UBA2: variants seen among roughly 807,000 people sequenced by gnomAD.
UBA2 encodes the protein ubiquitin like modifier activating enzyme 2.
A neutral mutation model predicts 77.2 loss-of-function variants in UBA2; 11 were observed. That is an observed-to-expected ratio of 0.14 (90% confidence interval 0.09 to 0.24). The LOEUF is 0.24. UBA2 is among the 10% of genes least tolerant of loss of function. The probability of loss-of-function intolerance (pLI) is 1.00; values close to 1 mark genes in which losing one functional copy is unlikely to be tolerated. For missense variants in UBA2, 487 were observed against 781.7 expected (o/e 0.62, Z 4.50); for synonymous variants, 278 against 276.7 (o/e 1.00, Z -0.05).
intron 10 of UBA2, 40 bp downstream of exon 10, chr19:34,452,187 A>G: frequency 2.0e-6 from 3 of 1,492,056 alleles, no homozygotes; most frequent in Non-Finnish European, 1.8e-6. Flanking sequence ...TACATGTCAA[A>G]AGTGTGTTTT....
At chr19:34,443,723 A>C in intron 6 of UBA2, 121 bp from the exon 7 acceptor site, 1 of 694,070 alleles carries the variant, frequency 1.4e-6, no homozygotes, top group Non-Finnish European at 2.5e-6. Context: ...TAAAGGTGTG[A>C]GCCACTGCGC....
At chr19:34,462,520 C>G (rs1230494919) in intron 14 of UBA2, among the ~76,000 whole-genome samples, 2 of 151,998 alleles carry the variant, frequency 1.3e-5, no homozygotes, top group Non-Finnish European at 2.9e-5. Context: ...AATGGTAAAG[C>G]AAGCAACAGA....
chr19:34,429,347 T>G (rs2075225509), intron 1 of UBA2: 1 of 690,666 alleles, frequency 1.4e-6, no homozygotes, highest in African/African-American at 1.9e-5. Context: ...ATTGGAGATG[T>G]TACTGGCCCT....
chr19:34,428,950 G>C, intron 1 of UBA2: 4 of 987,326 alleles, frequency 4.1e-6, no homozygotes, highest in Non-Finnish European at 4.8e-6. Flanking sequence ...TTAATTTTGA[G>C]GTCCCTGTCG....
chr19:34,449,770 G>A (rs2075472443), intron 8 of UBA2, among the ~76,000 whole-genome samples: 1 of 152,158 alleles, frequency 6.6e-6, no homozygotes, highest in Admixed American at 6.5e-5. Flanking sequence ...ACATTTTAAA[G>A]ATATCGCAGT....
At chr19:34,464,605 G>A (rs1335169726) in intron 15 of UBA2, among the ~76,000 whole-genome samples, 1 of 151,650 alleles carries the variant, frequency 6.6e-6, no homozygotes, top group Non-Finnish European at 1.5e-5. Context: ...AGCAAAAAAT[G>A]TTTTAAGAGT....
In UBA2 at chr19:34,458,827, A is replaced by G; in HGVS notation, c.1304A>G (p.Asp435Gly). 1 of 1,614,158 alleles carries G rather than the reference A, an allele frequency of 6.2e-7. No homozygotes were observed. Among genetic ancestry groups the G allele is most frequent in the Non-Finnish European group, 8.5e-7 (1 of 1,180,014 alleles). Reference sequence around the variant, plus strand: ...AAGCTTCTTGTGCCTTGTGCACTGGATCCTCCCAACCCCAATTGTTATGTA... The same window carrying G: ...AAGCTTCTTGTGCCTTGTGCACTGGGTCCTCCCAACCCCAATTGTTATGTA... ...RKKLLVPCAL[D>G]PPNPNCYVCA... The change falls in exon 13 of 17, where the codon GAT (aspartate) becomes GGT (glycine). Residue 435 changes from aspartate to glycine, a missense_variant. Coordinates refer to ENST00000246548, the MANE Select transcript of UBA2 (RefSeq NM_005499.3).
Position 34,434,952 on chromosome 19 carries a change from T to C in UBA2, c.443T>C (p.Val148Ala). 6.2e-7 allele frequency: 1 copy of C among 1,604,174 alleles called. No individual in the cohort carries two copies. The highest frequency in any genetic ancestry group is 8.5e-7 in the Non-Finnish European group (1 of 1,175,724). Residue 148 changes from valine (V) to alanine (A), a missense_variant, in exon 5 of 17, where the codon GTA (valine) becomes GCA (alanine). Coordinates refer to ENST00000246548, the MANE Select transcript of UBA2 (RefSeq NM_005499.3). ...ESGTAGYLGQ[V>A]TTIKKGVTEC... ...GGAACAGCTGGGTATCTTGGACAAG[T>C]AACTACTATCAAAAAGGTAAAGAAA...
chr19:34,437,059 C>G (rs1022864039), intron 5 of UBA2, among the ~76,000 whole-genome samples: 2 of 152,082 alleles, frequency 1.3e-5, no homozygotes, highest in African/African-American at 2.4e-5. Flanking sequence ...AGAGAAAACT[C>G]TAAATCTGCT....
intron 1 of UBA2, 166 bp downstream of exon 1, chr19:34,428,736 G>A (rs2075216371): frequency 1.7e-6 from 2 of 1,154,792 alleles, no homozygotes; most frequent in Non-Finnish European, 2.2e-6. Flanking sequence ...CCCGCGGGAG[G>A]AGACTGTTCT....
chr19:34,449,443 A>C (rs201141482), intron 8 of UBA2, among the ~76,000 whole-genome samples: 1 of 4,346 alleles, frequency 2.3e-4, no homozygotes, highest in Admixed American at 5.2e-3. Flanking sequence ...CTTATTCTCT[A>C]TAAAGATTAA....
intron 4 of UBA2, among the ~76,000 whole-genome samples, chr19:34,434,485 A>T (rs1214821869): frequency 6.6e-6 from 1 of 152,194 alleles, no homozygotes; most frequent in African/African-American, 2.4e-5. Flanking sequence ...TTCCAAGTTG[A>T]TATTCCACAT....
chr19:34,434,788 GTTTTGA>G, intron 4 of UBA2, 74 bp from the exon 5 acceptor site: 1 of 1,070,296 alleles, frequency 9.3e-7, no homozygotes, highest in East Asian at 2.6e-5. Flanking sequence ...CAGTAAGATA[GTTTTGA>G]GTCTGTGTCA....
intron 13 of UBA2, among the ~76,000 whole-genome samples, chr19:34,459,730 A>G (rs1216611462): frequency 1.3e-5 from 2 of 152,180 alleles, no homozygotes; most frequent in Non-Finnish European, 2.9e-5. Context: ...TCATAATGCT[A>G]CATATTTACA....
intron 8 of UBA2, 119 bp from the exon 9 acceptor site, chr19:34,450,146 T>G: frequency 1.5e-6 from 1 of 658,856 alleles, no homozygotes. Context: ...ATGCTGCTGG[T>G]ATATGACATG....
chr19:34,445,198 T>A, intron 8 of UBA2, 77 bp downstream of exon 8: 1 of 1,426,862 alleles, frequency 7.0e-7, no homozygotes, highest in East Asian at 2.3e-5. Context: ...CTGCTTGTTT[T>A]AAAATAGTCC....
At chr19:34,451,960 T>G in intron 9 of UBA2, 21 bp from the exon 10 acceptor site, 1 of 1,360,936 alleles carries the variant, frequency 7.3e-7, no homozygotes, top group Non-Finnish European at 1.0e-6. Flanking sequence ...AAATTTCTAA[T>G]ATATATATTT....
chr19:34,431,086 T>C (rs547554994), intron 2 of UBA2, among the ~76,000 whole-genome samples: 2 of 152,222 alleles, frequency 1.3e-5, no homozygotes, highest in East Asian at 3.9e-4. Context: ...TCCCTTTGCC[T>C]GTCTCCCAAC....
Position 34,451,967 on chromosome 19 carries a change from A to ATT in UBA2, c.872-8_872-7dup, listed in dbSNP as rs772614183. On this transcript the variant is annotated splice_polypyrimidine_tract_variant and intron_variant, in intron 9 of 16. Transcript: ENST00000246548. ...AATTAGTGAAATTTCTAATATATAT[A>ATT]TTTTTTTCTTTAGGAGAAGAAACGA... The ATT allele has an allele frequency of 1.0e-5, 14 of 1,355,248 alleles. 1 individual carries two copies. The South Asian group carries it at 2.0e-4, about 19-fold the overall frequency. The allele number at this position is 1,355,248 out of a possible 1,614,324, so 84.0% of individuals were successfully genotyped here.
Sources: gnomAD v4.1 joint callset for allele counts (sites outside exome capture counted in the v4.1 genomes callset) on GRCh38, gnomAD v4.1.1 for gene constraint, MANE v1.5 for transcripts, NCBI Gene and HGNC (gene_info 2026-07-23, HGNC 2026-07-21) for gene names.